FAM120C: variants seen among roughly 807,000 people sequenced by gnomAD.
The protein encoded by FAM120C is constitutive coactivator of PPAR-gamma-like protein 2.
FAM120C carries 14 observed loss-of-function variants against 71.2 expected under a neutral mutation model. The ratio of observed to expected loss-of-function variants is 0.20; its 90% CI spans 0.13 to 0.31. The LOEUF (loss-of-function observed/expected upper bound fraction) is 0.31. Among genes scored for constraint, FAM120C ranks in the 10% least tolerant of loss-of-function variants. FAM120C has a pLI of 1.00. For missense variants in FAM120C, 500 were observed against 879.0 expected (o/e 0.57, Z 5.45); for synonymous variants, 354 against 353.2 (o/e 1.00, Z -0.03).
chrX:54,157,706 G>T lies in FAM120C; in HGVS notation c.1012C>A (p.Pro338Thr). ...FHWSLLGPEH[P>T]LASLKVRAHQ... is the part of the protein sequence containing the mutation. ...AACATTACCTTAAGTGATGCAAGAG[G>T]ATGTTCTGGTCCCAAGAGGCTCCAG... The change falls in exon 3 of 16, where the codon CCT becomes ACT. Residue 338 changes from proline to threonine, a missense_variant. Pro to Thr is a conservative substitution (Grantham distance 38). This residue lies in a region of FAM120C where 55 missense variants were observed against 96.7 expected (regional missense o/e 0.57). Coordinates refer to ENST00000375180, the MANE Select transcript of FAM120C (RefSeq NM_017848.6). 2.5e-6 allele frequency: 3 copies of T among 1,207,191 alleles called. No homozygotes were observed. The highest frequency in any genetic ancestry group is 3.4e-6 in the Non-Finnish European group (3 of 891,795).
intron 9 of FAM120C, among the ~76,000 whole-genome samples, chrX:54,129,320 G>GAA (rs2067049143): frequency 9.4e-6 from 1 of 106,331 alleles, no homozygotes; most frequent in East Asian, 3.1e-4. Flanking sequence ...GCCGGGCAGA[G>GAA]ACGCTCCTCA....
At chrX:54,144,211 C>T (rs1557132108) in intron 4 of FAM120C, among the ~76,000 whole-genome samples, 1 of 111,379 alleles carries the variant, frequency 9.0e-6, no homozygotes, top group African/African-American at 3.3e-5. Flanking sequence ...CAATATCATA[C>T]TGAATGGGCA....
At chrX:54,073,583 C>T (rs1363157433) in intron 15 of FAM120C, among the ~76,000 whole-genome samples, 6 of 110,146 alleles carry the variant, frequency 5.4e-5, no homozygotes, top group Non-Finnish European at 1.1e-4. Flanking sequence ...AGGCGCCCAC[C>T]ACCATGCCTA....
At position 54,071,075 on chromosome X, in the gene FAM120C, C is replaced by T. The variant is rs1557119997; in HGVS notation, c.*1958G>A. On this transcript the variant is annotated 3_prime_UTR_variant, in exon 16 of 16. Transcript: ENST00000375180. ...GCTAGAAGATTAGTCAGTTGTATTT[C>T]TGTAGAAATGGTACTTCTTGGGCAA... The T allele has an allele frequency of 8.9e-6, 1 of 112,035 alleles. No individual in the cohort carries two copies. Among genetic ancestry groups the T allele is most frequent in the Admixed American group, 9.5e-5 (1 of 10,480 alleles). The allele number at this position is 112,035 out of a possible 1,213,427, so 9.2% of individuals were successfully genotyped here.
At position 54,124,929 on chromosome X, in the gene FAM120C, G is replaced by C. The variant is rs147759571; in HGVS notation, c.2062+7763C>G. Among the ~76,000 whole-genome samples, 1,112 of 111,862 alleles carry C rather than the reference G, an allele frequency of 9.9e-3. 7 individuals are homozygous for C. The highest frequency in any genetic ancestry group is 0.019 in the Admixed American group (203 of 10,516). ...AGTTCTTTATATATTTTAGATACTA[G>C]TATAGATATGTGGTACTTGTTCAAC... On this transcript the variant is annotated intron_variant, in intron 9 of 15. Coordinates refer to ENST00000375180, the MANE Select transcript of FAM120C (RefSeq NM_017848.6).
intron 4 of FAM120C, among the ~76,000 whole-genome samples, chrX:54,137,059 T>C (rs1177462374): frequency 9.1e-6 from 1 of 110,349 alleles, no homozygotes; most frequent in Non-Finnish European, 1.9e-5. Flanking sequence ...TTCAAGCGAT[T>C]CTCCTGCCTC....
intron 11 of FAM120C, among the ~76,000 whole-genome samples, chrX:54,091,005 G>A (rs1355789476): frequency 5.4e-5 from 6 of 111,749 alleles, no homozygotes; most frequent in African/African-American, 2.0e-4. Context: ...GACACAAGCA[G>A]GGGACATTAG....
intron 1 of FAM120C, among the ~76,000 whole-genome samples, chrX:54,162,856 G>T (rs1054290737): frequency 8.9e-6 from 1 of 111,967 alleles, no homozygotes; most frequent in African/African-American, 3.2e-5. Flanking sequence ...AGGGTCAGAG[G>T]TTAGAGAACT....
chrX:54,175,510 CTTT>C (rs1168702401), intron 1 of FAM120C, among the ~76,000 whole-genome samples: 1 of 104,417 alleles, frequency 9.6e-6, no homozygotes, highest in Admixed American at 1.0e-4. Flanking sequence ...ATATTTTATA[CTTT>C]TTTTTTTTAA....
intron 1 of FAM120C, among the ~76,000 whole-genome samples, chrX:54,180,701 C>T (rs1465333740): frequency 2.7e-5 from 3 of 111,950 alleles, no homozygotes; most frequent in African/African-American, 6.5e-5. Context: ...AGCCCTGCCA[C>T]TTATCTCTGG....
At chrX:54,157,597 T>C in intron 3 of FAM120C, 92 bp downstream of exon 3, 1 of 664,875 alleles carries the variant, frequency 1.5e-6, no homozygotes, top group Non-Finnish European at 2.3e-6. Flanking sequence ...TGTGAAATAT[T>C]TTAAATCTAA....
At chrX:54,177,111 A>C (rs2067322867) in intron 1 of FAM120C, among the ~76,000 whole-genome samples, 1 of 111,650 alleles carries the variant, frequency 9.0e-6, no homozygotes, top group Admixed American at 9.6e-5. Flanking sequence ...TGGTTGGAAC[A>C]GGGGTGGCCA....
chrX:54,157,468 T>C (rs2067215928), intron 3 of FAM120C, among the ~76,000 whole-genome samples: 1 of 111,691 alleles, frequency 9.0e-6, no homozygotes, highest in Non-Finnish European at 1.9e-5. Flanking sequence ...TTGGCCAGGC[T>C]GGTCTTGCAT....
intron 15 of FAM120C, among the ~76,000 whole-genome samples, chrX:54,076,329 T>TA (rs1186702915): frequency 1.4e-3 from 120 of 87,125 alleles, no homozygotes; most frequent in African/African-American, 2.8e-3. Context: ...ACTGTTTTTT[T>TA]AAAAAAAAAA....
chrX:54,134,891 C>T lies in FAM120C; in HGVS notation c.1556G>A (p.Gly519Glu). The T allele has an allele frequency of 8.3e-7, 1 of 1,211,163 alleles. No homozygotes were observed. Among genetic ancestry groups the T allele is most frequent in the South Asian group, 1.8e-5 (1 of 56,877 alleles). ...YLPSKASPPLGPDSSHSSSSD... is the reference protein window; with the variant it reads ...YLPSKASPPLEPDSSHSSSSD... Reference sequence around the variant, plus strand: ...GGAAGAGGAGTGGGAAGAGTCTGGTCCCAAAGGAGGTGAGGCTTTAGAAGG... The same window carrying T: ...GGAAGAGGAGTGGGAAGAGTCTGGTTCCAAAGGAGGTGAGGCTTTAGAAGG... Residue 519 changes from glycine (G) to glutamate (E), a missense_variant, in exon 7 of 16, where the codon GGA (glycine) becomes GAA (glutamate). Coordinates refer to ENST00000375180, the MANE Select transcript of FAM120C (RefSeq NM_017848.6).
chrX:54,125,406 C>A (rs1881827521), intron 9 of FAM120C, among the ~76,000 whole-genome samples: 1 of 110,972 alleles, frequency 9.0e-6, no homozygotes. Context: ...TCAAGTGATC[C>A]TCTCACCTCA....
chrX:54,170,045 G>A (rs782812520), intron 1 of FAM120C, among the ~76,000 whole-genome samples: 18 of 112,103 alleles, frequency 1.6e-4, no homozygotes, highest in Non-Finnish European at 2.4e-4. Context: ...CATGAAATAC[G>A]GCAGTCAAGC....
chrX:54,151,109 G>C (rs1028878245), intron 4 of FAM120C, 136 bp downstream of exon 4: 4 of 700,964 alleles, frequency 5.7e-6, no homozygotes, highest in African/African-American at 2.2e-5. Flanking sequence ...GGAAATTTTG[G>C]AGCTCTCATT....
At chrX:54,074,416 CTTTCT>C (rs2066725283) in intron 15 of FAM120C, among the ~76,000 whole-genome samples, 1 of 112,375 alleles carries the variant, frequency 8.9e-6, no homozygotes, top group Non-Finnish European at 1.9e-5. Context: ...TCCACAGAAT[CTTTCT>C]TTTCTTTTCT....
Sources: gnomAD v4.1 joint callset for allele counts (sites outside exome capture counted in the v4.1 genomes callset) on GRCh38, gnomAD v4.1.1 for gene constraint, gnomAD v4.1.1 regional missense constraint, MANE v1.5 for transcripts, NCBI Gene and HGNC (gene_info 2026-07-23, HGNC 2026-07-21) for gene names.